GRM5: variants seen among roughly 807,000 people sequenced by gnomAD.
GRM5 encodes the protein metabotropic glutamate receptor 5.
Under a neutral mutation model 83.1 loss-of-function variants are expected in GRM5, and 19 were observed. That is an observed-to-expected ratio of 0.23 (90% CI 0.16 to 0.34). GRM5 has a LOEUF of 0.34. Among genes scored for constraint, GRM5 ranks in the 10% least tolerant of loss-of-function variants. The pLI, the probability that GRM5 is intolerant of heterozygous loss-of-function variation, is 1.00. For synonymous variants in GRM5, 675 were observed against 633.6 expected (o/e 1.07, Z -0.98); for missense variants, 1,160 against 1,588.3 (o/e 0.73, Z 4.58).
intron 3 of GRM5, among the ~76,000 whole-genome samples, chr11:88,665,765 A>T (rs1347988136): frequency 6.6e-6 from 1 of 151,344 alleles, no homozygotes; most frequent in African/African-American, 2.4e-5. Flanking sequence ...CTCTGAAGAC[A>T]ACTAGAAAGG....
At chr11:88,746,656 G>T (rs1368234048) in intron 3 of GRM5, among the ~76,000 whole-genome samples, 1 of 151,752 alleles carries the variant, frequency 6.6e-6, no homozygotes, top group Admixed American at 6.6e-5. Flanking sequence ...TATACTAACT[G>T]CTTATTAAAT....
intron 3 of GRM5, among the ~76,000 whole-genome samples, chr11:88,751,698 C>G (rs1314611095): frequency 6.6e-6 from 1 of 152,116 alleles, no homozygotes; most frequent in East Asian, 1.9e-4. Flanking sequence ...TGCAAAAATC[C>G]TCAATAAAAT....
chr11:88,724,002 T>C (rs1941612141), intron 3 of GRM5, among the ~76,000 whole-genome samples: 1 of 152,180 alleles, frequency 6.6e-6, no homozygotes, highest in Non-Finnish European at 1.5e-5. Context: ...ACTCAATAGG[T>C]ACTGAGAATG....
chr11:88,590,372 A>G (rs10831110), intron 7 of GRM5, among the ~76,000 whole-genome samples: 21,781 of 152,142 alleles, frequency 0.14, 2,569 homozygotes, highest in African/African-American at 0.33. Flanking sequence ...CAAGCTAGGA[A>G]TACTGATCTA....
chr11:88,659,565 T>C (rs1384536875), intron 3 of GRM5, among the ~76,000 whole-genome samples: 4 of 152,212 alleles, frequency 2.6e-5, no homozygotes, highest in Non-Finnish European at 5.9e-5. Context: ...TGTATGCTTA[T>C]ACTAAAAGTA....
chr11:88,920,223 C>T (rs928362973), intron 2 of GRM5, among the ~76,000 whole-genome samples: 1 of 151,700 alleles, frequency 6.6e-6, no homozygotes, highest in Non-Finnish European at 1.5e-5. Flanking sequence ...ACAACTGATA[C>T]CACAGAAATC....
chr11:89,029,834 G>A (rs1050023281), intron 2 of GRM5, among the ~76,000 whole-genome samples: 2 of 152,176 alleles, frequency 1.3e-5, no homozygotes, highest in African/African-American at 4.8e-5. Flanking sequence ...ATCACGGTAA[G>A]GTGGTTAGCT....
intron 2 of GRM5, among the ~76,000 whole-genome samples, chr11:88,982,213 A>T (rs1469744378): frequency 6.6e-6 from 1 of 152,322 alleles, no homozygotes; most frequent in East Asian, 1.9e-4. Context: ...TGATTTTTGG[A>T]AAATAGAAAG....
At chr11:89,065,320 GGA>G (rs371939089) in intron 1 of GRM5, among the ~76,000 whole-genome samples, 2,760 of 144,588 alleles carry the variant, frequency 0.019, 87 homozygotes, top group African/African-American at 0.068. Flanking sequence ...ACAGACAGAG[GGA>G]GAGAGAGAGA....
chr11:88,763,634 A>G (rs1228314187), intron 3 of GRM5, among the ~76,000 whole-genome samples: 1 of 151,868 alleles, frequency 6.6e-6, no homozygotes, highest in African/African-American at 2.4e-5. Flanking sequence ...TTAAAAGAAC[A>G]GAATCTCTAT....
Position 88,825,921 on chromosome 11 carries a change from C to A in GRM5, c.911+23985G>T, listed in dbSNP as rs16915007. ...CCCAAACATTACTCTAAACATTAAC[C>A]AAACTCCATGTTCTAAGTAAGAAAT... is the stretch of plus-strand genomic sequence containing the variant. On this transcript the variant is annotated intron_variant, in intron 3 of 9. Coordinates refer to ENST00000305447, the MANE Select transcript of GRM5 (RefSeq NM_001143831.3). Among the ~76,000 whole-genome samples the A allele has an allele frequency of 5.6e-3, 849 of 152,212 alleles. 16 individuals carry two copies. The East Asian group carries it at 0.071, about 13-fold the overall frequency.
chr11:88,769,080 A>C (rs1016814000), intron 3 of GRM5, among the ~76,000 whole-genome samples: 5 of 152,028 alleles, frequency 3.3e-5, no homozygotes, highest in African/African-American at 1.2e-4. Flanking sequence ...CTAGTCAATA[A>C]ATTTGTTTCC....
chr11:88,633,700 G>A (rs962975233), intron 4 of GRM5, among the ~76,000 whole-genome samples: 8 of 152,254 alleles, frequency 5.3e-5, no homozygotes, highest in Admixed American at 4.6e-4. Flanking sequence ...TTTTTGTAAA[G>A]AGGCAGGGGG....
chr11:88,643,918 A>T (rs1939368652), intron 4 of GRM5, among the ~76,000 whole-genome samples: 1 of 152,172 alleles, frequency 6.6e-6, no homozygotes, highest in African/African-American at 2.4e-5. Context: ...ACCCACTTCA[A>T]ATACTAGTGA....
intron 7 of GRM5, among the ~76,000 whole-genome samples, chr11:88,585,370 C>A (rs1943291381): frequency 6.6e-6 from 1 of 152,202 alleles, no homozygotes. Context: ...TCCTCCCCTG[C>A]AATTGGAACA....
intron 3 of GRM5, among the ~76,000 whole-genome samples, chr11:88,773,626 G>A (rs1238480397): frequency 6.6e-6 from 1 of 152,074 alleles, no homozygotes; most frequent in Non-Finnish European, 1.5e-5. Flanking sequence ...ATTAATTTTT[G>A]TATAAGGTGT....
chr11:88,793,617 T>G (rs1002602750), intron 3 of GRM5, among the ~76,000 whole-genome samples: 5 of 152,220 alleles, frequency 3.3e-5, no homozygotes, highest in Non-Finnish European at 7.3e-5. Flanking sequence ...AATTAAGATG[T>G]GTTTCTGGGA....
chr11:88,994,711 C>A (rs1201723225), intron 2 of GRM5, among the ~76,000 whole-genome samples: 1 of 147,508 alleles, frequency 6.8e-6, no homozygotes, highest in African/African-American at 2.5e-5. Context: ...TCAGAAAGTT[C>A]TTTTTGTTTT....
At chr11:88,579,037 G>A (rs984504539) in intron 7 of GRM5, among the ~76,000 whole-genome samples, 2 of 152,114 alleles carry the variant, frequency 1.3e-5, no homozygotes, top group African/African-American at 2.4e-5. Flanking sequence ...GTGATCATGA[G>A]CATGGATATT....
Sources: gnomAD v4.1 joint callset for allele counts (sites outside exome capture counted in the v4.1 genomes callset) on GRCh38, gnomAD v4.1.1 for gene constraint, MANE v1.5 for transcripts, NCBI Gene and HGNC (gene_info 2026-07-23, HGNC 2026-07-21) for gene names.